Variants in PEX5L observed in about 807,000 individuals in gnomAD.
The protein encoded by PEX5L is peroxisomal biogenesis factor 5 like, also known as PEX5-related protein.
PEX5L carries 30 observed loss-of-function variants against 84.0 expected under a neutral mutation model. The ratio of observed to expected loss-of-function variants is 0.36; its 90% confidence interval spans 0.27 to 0.48. The LOEUF (loss-of-function observed/expected upper bound fraction) is 0.48, where lower values mean the gene tolerates loss of function less well. PEX5L is among the 20% of genes least tolerant of loss of function. The probability of loss-of-function intolerance (pLI) is 0.99; values close to 1 mark genes in which losing one functional copy is unlikely to be tolerated. For missense variants in PEX5L, 533 were observed against 754.6 expected (o/e 0.71, Z 3.44); for synonymous variants, 270 against 283.1 (o/e 0.95, Z 0.46).
At chr3:179,907,784 G>A (rs745892079) in intron 2 of PEX5L, among the ~76,000 whole-genome samples, 2 of 152,172 alleles carry the variant, frequency 1.3e-5, no homozygotes, top group Non-Finnish European at 2.9e-5. Context: ...CTTTATGAAT[G>A]TTTAAGGCAC....
intron 1 of PEX5L, among the ~76,000 whole-genome samples, chr3:180,030,217 G>A (rs552230045): frequency 6.6e-6 from 1 of 152,118 alleles, no homozygotes; most frequent in Non-Finnish European, 1.5e-5. Context: ...CTTTCCCATG[G>A]TGCTTCTCAC....
intron 1 of PEX5L, among the ~76,000 whole-genome samples, chr3:180,008,000 A>C (rs1789081214): frequency 6.6e-6 from 1 of 152,110 alleles, no homozygotes; most frequent in African/African-American, 2.4e-5. Context: ...TACTTATTCA[A>C]ATTTCTGCAG....
Position 179,847,612 on chromosome 3 carries a change from C to T in PEX5L, c.822+11450G>A, listed in dbSNP as rs192728366. ...CCTGAATGGTTGTGTATTTGATGTT[C>T]TACATATTAAACCAATAAGCAGCTT... On this transcript the variant is annotated intron_variant, in intron 8 of 14. Coordinates refer to ENST00000467460, the MANE Select transcript of PEX5L (RefSeq NM_016559.3). 3.5e-3 allele frequency among the ~76,000 whole-genome samples: 529 copies of T among 152,222 alleles called. 6 individuals carry two copies. The highest frequency in any genetic ancestry group is 8.3e-4 in the South Asian group (4 of 4,818).
chr3:179,844,028 T>C (rs1198562274), intron 8 of PEX5L, among the ~76,000 whole-genome samples: 2 of 152,252 alleles, frequency 1.3e-5, no homozygotes, highest in Non-Finnish European at 2.9e-5. Context: ...TTCAGGTCTC[T>C]GGAACCAGAG....
Position 179,802,029 on chromosome 3 carries a change from T to C in PEX5L, c.1680A>G (p.Glu560=). 6.2e-7 allele frequency: 1 copy of C among 1,608,594 alleles called. No individual in the cohort carries two copies. The highest frequency in any genetic ancestry group is 8.5e-7 in the Non-Finnish European group (1 of 1,175,198). ...GGGCAGTGAGAAAATTGCTGACCGC[T>C]TCTCTAAGAAGGTAGAAAAACATAT... The part of the protein sequence containing the change: ...ISCINLGAYR[E]AVSNFLTALS... The change falls in exon 15 of 15, where the codon GAA becomes GAG. Residue 560 remains glutamate (E), a synonymous_variant. Transcript: ENST00000467460.
At chr3:179,912,067 C>T (rs1224198226) in intron 2 of PEX5L, among the ~76,000 whole-genome samples, 1 of 152,080 alleles carries the variant, frequency 6.6e-6, no homozygotes, top group Non-Finnish European at 1.5e-5. Flanking sequence ...CTGTTTAGTT[C>T]ATAAAGGTAT....
intron 1 of PEX5L, among the ~76,000 whole-genome samples, chr3:179,990,682 C>T (rs771199405): frequency 1.3e-5 from 2 of 152,148 alleles, no homozygotes; most frequent in African/African-American, 4.8e-5. Flanking sequence ...GAGTTGCAGA[C>T]ATGAAACACT....
intron 8 of PEX5L, 88 bp from the exon 9 acceptor site, chr3:179,820,064 G>T (rs1289986255): frequency 1.9e-6 from 3 of 1,572,190 alleles, no homozygotes; most frequent in Middle Eastern, 1.7e-4. Flanking sequence ...GATAAAAGAG[G>T]CTTCTGGGGA....
At position 179,934,792 on chromosome 3, in the gene PEX5L, T is replaced by C. The variant is rs1261091288; in HGVS notation, c.94-36546A>G. On this transcript the variant is annotated intron_variant, in intron 2 of 14. Coordinates refer to ENST00000467460, the MANE Select transcript of PEX5L (RefSeq NM_016559.3). ...TAATACTCTAATTGTTTGGAAACTATAATCTCAAAAATATTGATTTCCTTA... is the reference window on the plus strand; with the variant it reads ...TAATACTCTAATTGTTTGGAAACTACAATCTCAAAAATATTGATTTCCTTA... 3.3e-5 allele frequency among the ~76,000 whole-genome samples: 5 copies of C among 152,334 alleles called. No individual in the cohort carries two copies. The East Asian group carries it at 9.6e-4, about 29-fold the overall frequency.
At chr3:179,947,486 C>G (rs1230914030) in intron 2 of PEX5L, among the ~76,000 whole-genome samples, 1 of 151,944 alleles carries the variant, frequency 6.6e-6, no homozygotes, top group African/African-American at 2.4e-5. Context: ...TAACCATAAT[C>G]TCAGCTAGGA....
intron 3 of PEX5L, among the ~76,000 whole-genome samples, chr3:179,890,051 AAACTGTACATATGT>A (rs1324054470): frequency 3.9e-5 from 6 of 152,228 alleles, no homozygotes; most frequent in African/African-American, 1.4e-4. Flanking sequence ...GTGCATGTCC[AAACTGTACATATGT>A]AACAGTTTCC....
chr3:179,878,726 A>T (rs931057703), intron 5 of PEX5L, among the ~76,000 whole-genome samples: 3 of 152,166 alleles, frequency 2.0e-5, no homozygotes, highest in Non-Finnish European at 4.4e-5. Flanking sequence ...ACCTCTTGTA[A>T]GACACCTTCT....
intron 2 of PEX5L, among the ~76,000 whole-genome samples, chr3:179,958,068 A>G (rs1560919209): frequency 6.6e-6 from 1 of 151,374 alleles, no homozygotes; most frequent in Non-Finnish European, 1.5e-5. Context: ...ATACATACAC[A>G]CTCTCAAGAA....
At chr3:179,837,252 T>C (rs1414694219) in intron 8 of PEX5L, among the ~76,000 whole-genome samples, 1 of 152,188 alleles carries the variant, frequency 6.6e-6, no homozygotes, top group Non-Finnish European at 1.5e-5. Flanking sequence ...ATTCCTTATA[T>C]GTAGGCCACA....
intron 2 of PEX5L, among the ~76,000 whole-genome samples, chr3:179,903,277 G>A (rs941348777): frequency 1.3e-5 from 2 of 151,982 alleles, no homozygotes; most frequent in East Asian, 3.9e-4. Context: ...CTGGAGTGCA[G>A]TGGTGTGATC....
intron 8 of PEX5L, among the ~76,000 whole-genome samples, chr3:179,835,595 G>A (rs1734651599): frequency 6.6e-6 from 1 of 152,186 alleles, no homozygotes; most frequent in Admixed American, 6.5e-5. Flanking sequence ...TGACTCAAGA[G>A]AAATGTGAAT....
chr3:179,869,765 GA>G (rs1332162369), intron 7 of PEX5L, among the ~76,000 whole-genome samples: 1 of 152,188 alleles, frequency 6.6e-6, no homozygotes, highest in Admixed American at 6.5e-5. Flanking sequence ...TAAAGATCCT[GA>G]AACTTTTCTG....
intron 8 of PEX5L, among the ~76,000 whole-genome samples, chr3:179,841,376 C>A (rs1737225092): frequency 6.6e-6 from 1 of 152,192 alleles, no homozygotes; most frequent in Non-Finnish European, 1.5e-5. Flanking sequence ...GTTTTTCCCT[C>A]AAGTACTGGC....
intron 2 of PEX5L, chr3:179,900,740 A>C: frequency 1.3e-6 from 2 of 1,534,314 alleles, no homozygotes; most frequent in East Asian, 2.4e-5. Flanking sequence ...TACTACCTGA[A>C]AAGAGTCATG....
Sources: gnomAD v4.1 joint callset for allele counts (sites outside exome capture counted in the v4.1 genomes callset) on GRCh38, gnomAD v4.1.1 for gene constraint, MANE v1.5 for transcripts, NCBI Gene and HGNC (gene_info 2026-07-23, HGNC 2026-07-21) for gene names.